Variants in DLGAP2 observed in about 807,000 individuals in gnomAD.
DLGAP2 encodes DLG associated protein 2.
Under a neutral mutation model 100.3 loss-of-function variants are expected in DLGAP2, and 26 were observed. The observed-to-expected ratio is 0.26, with a 90% CI of 0.19 to 0.36. DLGAP2 has a LOEUF of 0.36. Ranked by LOEUF, DLGAP2 falls within the 10% of genes least tolerant of loss-of-function variation. The probability of loss-of-function intolerance (pLI) is 1.00; values close to 1 mark genes in which losing one functional copy is unlikely to be tolerated. For missense variants in DLGAP2, 1,858 were observed against 1,453.2 expected, an observed-to-expected ratio of 1.28 and a Z score of -4.53; for synonymous variants, 886 against 630.1, an observed-to-expected ratio of 1.41 and a Z score of -6.08.
At chr8:1,516,977 A>G (rs1800415008) in intron 4 of DLGAP2, among the ~76,000 whole-genome samples, 1 of 152,198 alleles carries the variant, frequency 6.6e-6, no homozygotes, top group Admixed American at 6.5e-5. Flanking sequence ...TCAGGCAGCG[A>G]GAGCCTGCCA....
chr8:1,128,542 C>CA lies in DLGAP2; in HGVS notation c.74-130307dup. 2.6e-5 allele frequency among the ~76,000 whole-genome samples: 4 copies of CA among 152,314 alleles called. No homozygotes were observed. In the South Asian group the frequency reaches 8.3e-4, roughly 32 times the overall value. ...GCTGTGTGGGTGTGTAGCCCAGAAGCAACAAGCTGCACCACACAGCCTGGG... is the reference window on the plus strand; with the variant it reads ...GCTGTGTGGGTGTGTAGCCCAGAAGCAAACAAGCTGCACCACACAGCCTGGG... On this transcript the variant is annotated intron_variant, in intron 2 of 14. Transcript: ENST00000637795.
At chr8:1,597,293 G>A (rs961647761) in intron 6 of DLGAP2, among the ~76,000 whole-genome samples, 2 of 151,920 alleles carry the variant, frequency 1.3e-5, no homozygotes, top group African/African-American at 2.4e-5. Flanking sequence ...GAAGTCAGCT[G>A]GTGTTCTTTG....
chr8:1,258,917 G>T, intron 3 of DLGAP2, 34 bp downstream of exon 3: 1 of 1,231,644 alleles, frequency 8.1e-7, no homozygotes, highest in Non-Finnish European at 1.0e-6. Context: ...GGGTGGGCGG[G>T]GGCCGCGCGG....
At chr8:793,541 C>T (rs556853936) in intron 1 of DLGAP2, among the ~76,000 whole-genome samples, 1 of 152,176 alleles carries the variant, frequency 6.6e-6, no homozygotes, top group East Asian at 1.9e-4. Context: ...GCTTCTCTTC[C>T]TTCAGTTTTG....
intron 3 of DLGAP2, among the ~76,000 whole-genome samples, chr8:1,464,653 G>C (rs887543877): frequency 6.6e-6 from 1 of 152,008 alleles, no homozygotes; most frequent in Non-Finnish European, 1.5e-5. Flanking sequence ...AGATAGAGGG[G>C]AGACAGGGCC....
rs560013460 is a variant in DLGAP2 at position 1,174,711 on chromosome 8, C to T, written c.74-84140C>T. ...TCATTACCATCACCACCACTATCAC[C>T]ATCACCACCATCATTACCATGACCA... On this transcript the variant is annotated intron_variant, in intron 2 of 14. Transcript: ENST00000637795. Among the ~76,000 whole-genome samples, 557 of 152,170 alleles carry T rather than the reference C, an allele frequency of 3.7e-3. 3 individuals are homozygous for T. The highest frequency in any genetic ancestry group is 0.013 in the African/African-American group (533 of 41,466).
chr8:1,092,923 T>G (rs535334028), intron 2 of DLGAP2, among the ~76,000 whole-genome samples: 108 of 152,220 alleles, frequency 7.1e-4, no homozygotes, highest in African/African-American at 2.6e-3. Flanking sequence ...ACAGACCCCA[T>G]AGGGGTGTTT....
rs138425189 is a variant in DLGAP2, at chr8:1,268,435, AT to A, written c.106+9554del. Among the ~76,000 whole-genome samples the A allele has an allele frequency of 4.3e-3, 654 of 152,322 alleles. 6 individuals are homozygous for A. Among genetic ancestry groups the A allele is most frequent in the African/African-American group, 0.015 (609 of 41,578 alleles). The stretch of plus-strand genomic sequence containing the variant: ...TAAACTCATTTGCAATATTGAAATA[AT>A]TGGCCAAAGAGAGAAATTTAATGTG... On this transcript the variant is annotated intron_variant, in intron 3 of 14. Coordinates refer to ENST00000637795, the MANE Select transcript of DLGAP2 (RefSeq NM_001346810.2).
At chr8:966,593 G>C (rs753859405) in intron 2 of DLGAP2, among the ~76,000 whole-genome samples, 8 of 152,098 alleles carry the variant, frequency 5.3e-5, no homozygotes, top group Non-Finnish European at 1.0e-4. Context: ...TTTTGGTAAT[G>C]ATTAGTTTAT....
At chr8:771,633 G>C (rs901921117) in intron 1 of DLGAP2, among the ~76,000 whole-genome samples, 1 of 152,224 alleles carries the variant, frequency 6.6e-6, no homozygotes, top group Non-Finnish European at 1.5e-5. Flanking sequence ...ATGGTCACGA[G>C]AGTGGCAACC....
At chr8:1,638,452 C>T (rs544504070) in intron 8 of DLGAP2, among the ~76,000 whole-genome samples, 87 of 152,264 alleles carry the variant, frequency 5.7e-4, no homozygotes, top group Middle Eastern at 3.4e-3. Flanking sequence ...GCCTCCATGA[C>T]ATGAATCAAT....
chr8:1,344,146 G>GCCCTGTCGTAAGTCCGTGTACTGGGT, intron 3 of DLGAP2, among the ~76,000 whole-genome samples: 1 of 127,780 alleles, frequency 7.8e-6, no homozygotes, highest in South Asian at 2.9e-4. Flanking sequence ...GTGTACTCGG[G>GCCCTGTCGTAAGTCCGTGTACTGGGT]GCCCTGTCGT....
intron 2 of DLGAP2, among the ~76,000 whole-genome samples, chr8:1,059,876 C>T (rs965205992): frequency 3.9e-5 from 6 of 152,192 alleles, no homozygotes; most frequent in South Asian, 2.1e-4. Context: ...CGGGGGCGGT[C>T]GCGATGCAAA....
At chr8:1,192,855 A>G (rs1190942777) in intron 2 of DLGAP2, among the ~76,000 whole-genome samples, 1 of 150,440 alleles carries the variant, frequency 6.6e-6, no homozygotes, top group Non-Finnish European at 1.5e-5. Context: ...CTGGTGTGTG[A>G]TGCTCCCCTT....
At chr8:1,075,298 G>T (rs2701950) in intron 2 of DLGAP2, among the ~76,000 whole-genome samples, 3,381 of 152,228 alleles carry the variant, frequency 0.022, 117 homozygotes, top group African/African-American at 0.077. Flanking sequence ...TGAGCTGAAG[G>T]ATCCCTAGGA....
intron 2 of DLGAP2, among the ~76,000 whole-genome samples, chr8:1,256,284 C>T (rs1195999697): frequency 1.8e-5 from 2 of 113,484 alleles, no homozygotes; most frequent in Non-Finnish European, 3.4e-5. Flanking sequence ...GTGTGTGTGT[C>T]CTCTCCTGCC....
At chr8:1,126,715 T>C (rs1377504535) in intron 2 of DLGAP2, among the ~76,000 whole-genome samples, 1 of 152,124 alleles carries the variant, frequency 6.6e-6, no homozygotes, top group East Asian at 1.9e-4. Flanking sequence ...TTAGTCAGAA[T>C]GTCTTTTGGA....
At chr8:1,121,067 T>G (rs937052404) in intron 2 of DLGAP2, among the ~76,000 whole-genome samples, 3 of 151,372 alleles carry the variant, frequency 2.0e-5, no homozygotes, top group African/African-American at 7.3e-5. Context: ...CCTCCCATCC[T>G]TATCCCTTTA....
At chr8:1,063,555 G>A (rs554155690) in intron 2 of DLGAP2, among the ~76,000 whole-genome samples, 75 of 136,116 alleles carry the variant, frequency 5.5e-4, no homozygotes, top group African/African-American at 2.0e-3. Context: ...GCTTTACCTC[G>A]TGCAAAAATA....
Sources: allele counts gnomAD v4.1 joint callset (sites outside exome capture counted in the v4.1 genomes callset), GRCh38; gene constraint gnomAD v4.1.1; transcripts MANE v1.5; gene names NCBI Gene and HGNC (gene_info 2026-07-23, HGNC 2026-07-21).